ARHGEF7: variants seen among roughly 807,000 people sequenced by gnomAD.
The protein encoded by ARHGEF7 is PAK-interacting exchange factor beta.
ARHGEF7 carries 33 observed loss-of-function variants against 109.8 expected under a neutral mutation model. That is an observed-to-expected ratio of 0.30 (90% CI 0.23 to 0.40). The LOEUF is 0.40. ARHGEF7 is among the 10% of genes least tolerant of loss of function. ARHGEF7 has a pLI of 1.00. For missense variants in ARHGEF7, 938 were observed against 1,098.5 expected (o/e 0.85, Z 2.07); for synonymous variants, 458 against 424.6 (o/e 1.08, Z -0.97).
chr13:111,178,006 C>G (rs2078334721), intron 2 of ARHGEF7, among the ~76,000 whole-genome samples: 1 of 152,248 alleles, frequency 6.6e-6, no homozygotes, highest in Non-Finnish European at 1.5e-5. Context: ...TCTGTGTTCA[C>G]TCAGTGCCTG....
intron 5 of ARHGEF7, among the ~76,000 whole-genome samples, chr13:111,224,094 A>T (rs971445947): frequency 1.3e-5 from 2 of 152,228 alleles, no homozygotes; most frequent in African/African-American, 4.8e-5. Flanking sequence ...TGACCTTGTC[A>T]TCTGCCCGCC....
intron 5 of ARHGEF7, among the ~76,000 whole-genome samples, chr13:111,230,647 G>T (rs2085915591): frequency 6.6e-6 from 1 of 152,014 alleles, no homozygotes. Context: ...CCTGACAGCA[G>T]ACCCACCTTG....
intron 2 of ARHGEF7, among the ~76,000 whole-genome samples, chr13:111,189,464 C>T (rs1362440949): frequency 6.6e-6 from 1 of 152,130 alleles, no homozygotes; most frequent in East Asian, 1.9e-4. Flanking sequence ...GTTGATTCTT[C>T]CTCAGAGTAG....
chr13:111,244,206 T>G lies in ARHGEF7; in HGVS notation c.862T>G (p.Ser288Ala), dbSNP rs758005923. 5.6e-6 allele frequency: 9 copies of G among 1,599,336 alleles called. No individual in the cohort carries two copies. The highest frequency in any genetic ancestry group is 8.5e-7 in the Non-Finnish European group (1 of 1,172,162). ...TATTTTTCTTGGCTCTAGGTTAAGT[T>G]CAGCAAACATTTCATATTTAATGGG... Reference protein sequence around the residue: ...RPLQTSEKLSSANISYLMGNL... With the variant: ...RPLQTSEKLSAANISYLMGNL... The change falls in exon 8 of 22, where the codon TCA becomes GCA. Residue 288 changes from serine (S) to alanine (A), a missense_variant. Physicochemically the swap from Ser to Ala is moderately conservative, Grantham distance 99 (BLOSUM62 1). Around this residue, in one of 4 missense-constraint regions of ARHGEF7, gnomAD observed 585 missense variants for 723.6 expected, o/e 0.81. Transcript: ENST00000646102.
chr13:111,206,972 A>AAAG (rs1555365802), intron 3 of ARHGEF7, among the ~76,000 whole-genome samples: 6 of 141,988 alleles, frequency 4.2e-5, no homozygotes, highest in African/African-American at 1.5e-4. Flanking sequence ...AAAAAAAAAA[A>AAAG]AAAGAAAAAG....
chr13:111,218,145 A>G (rs1314429200), intron 5 of ARHGEF7, among the ~76,000 whole-genome samples: 1 of 151,828 alleles, frequency 6.6e-6, no homozygotes, highest in African/African-American at 2.4e-5. Flanking sequence ...TTATCATTGC[A>G]GTTTTACTGT....
chr13:111,157,189 C>T (rs1891961), intron 2 of ARHGEF7, among the ~76,000 whole-genome samples: 27,536 of 151,972 alleles, frequency 0.18, 2,650 homozygotes, highest in South Asian at 0.21. Flanking sequence ...AGCTGGAAAA[C>T]TTTGAAATTT....
At chr13:111,211,970 G>T (rs1256957796) in intron 4 of ARHGEF7, among the ~76,000 whole-genome samples, 1 of 152,182 alleles carries the variant, frequency 6.6e-6, no homozygotes, top group Admixed American at 6.5e-5. Context: ...TCCCCCAGGC[G>T]AGGATCTGTG....
chr13:111,209,762 C>T, intron 3 of ARHGEF7, 110 bp from the exon 4 acceptor site: 1 of 1,296,678 alleles, frequency 7.7e-7, no homozygotes, highest in Non-Finnish European at 1.0e-6. Flanking sequence ...TTGTTGTGGT[C>T]TTTTGGTGTG....
intron 6 of ARHGEF7, among the ~76,000 whole-genome samples, chr13:111,241,669 G>T (rs2087806200): frequency 6.6e-6 from 1 of 152,158 alleles, no homozygotes; most frequent in Admixed American, 6.5e-5. Flanking sequence ...CGGACAAAAG[G>T]TCATTGTATT....
At chr13:111,150,595 T>C (rs1000467886) in intron 1 of ARHGEF7, among the ~76,000 whole-genome samples, 21 of 152,232 alleles carry the variant, frequency 1.4e-4, no homozygotes, top group African/African-American at 5.1e-4. Flanking sequence ...CCAGCAGTTA[T>C]TGATAGTAGC....
At chr13:111,190,379 C>G (rs1280479342) in intron 2 of ARHGEF7, among the ~76,000 whole-genome samples, 2 of 152,060 alleles carry the variant, frequency 1.3e-5, no homozygotes, top group Non-Finnish European at 2.9e-5. Context: ...CTATCCCTGA[C>G]TGGTTAGTGT....
chr13:111,279,376 C>T (rs983430725), intron 13 of ARHGEF7, among the ~76,000 whole-genome samples: 12 of 152,192 alleles, frequency 7.9e-5, no homozygotes, highest in Non-Finnish European at 1.8e-4. Flanking sequence ...TCAGCAGCCT[C>T]TCTGGCCCTT....
chr13:111,190,214 A>T (rs1007199418), intron 2 of ARHGEF7, among the ~76,000 whole-genome samples: 4 of 152,210 alleles, frequency 2.6e-5, no homozygotes, highest in African/African-American at 9.6e-5. Context: ...GGTTAAAAAT[A>T]CAGGGCCCGA....
At chr13:111,187,064 T>A (rs964712329) in intron 2 of ARHGEF7, 1 of 971,248 alleles carries the variant, frequency 1.0e-6, no homozygotes, top group Non-Finnish European at 1.2e-6. Context: ...GTGAAAGCAG[T>A]TGGGCTGGAA....
chr13:111,294,318 T>TG, intron 19 of ARHGEF7: 2 of 985,502 alleles, frequency 2.0e-6, no homozygotes, highest in Non-Finnish European at 2.4e-6. Context: ...CTGGCTAAGC[T>TG]GCCTTTGCCT....
intron 1 of ARHGEF7, among the ~76,000 whole-genome samples, chr13:111,126,076 G>T (rs2067539591): frequency 6.6e-6 from 1 of 152,234 alleles, no homozygotes; most frequent in Non-Finnish European, 1.5e-5. Flanking sequence ...AGTGCCTTAA[G>T]ACCTGGGTTT....
At position 111,266,695 on chromosome 13, in the gene ARHGEF7, C is replaced by T; in HGVS notation, c.951-853C>T. 2.5e-6 allele frequency: 1 copy of T among 406,134 alleles called. No homozygotes were observed. Among genetic ancestry groups the T allele is most frequent in the South Asian group, 1.8e-5 (1 of 57,088 alleles). The allele number at this position is 406,134 out of a possible 1,614,324, so 25.2% of individuals were successfully genotyped here. ...TCCCTGGTGTTCATGTTTTTGGTCA[C>T]TTTTTCTCTGGCTCCCATTCCCTAG... On this transcript the variant is annotated intron_variant, in intron 8 of 21. Transcript: ENST00000646102. The surrounding 1 kb of genome is among the most constrained non-coding windows in gnomAD (Gnocchi z 4.8).
intron 2 of ARHGEF7, among the ~76,000 whole-genome samples, chr13:111,192,260 A>G (rs1480683599): frequency 6.6e-6 from 1 of 152,112 alleles, no homozygotes; most frequent in Non-Finnish European, 1.5e-5. Context: ...CCTTAACTGC[A>G]GTGGGGGTAG....
Sources: allele counts gnomAD v4.1 joint callset (sites outside exome capture counted in the v4.1 genomes callset), GRCh38; gene constraint gnomAD v4.1.1; regional missense constraint gnomAD v4.1.1; non-coding constraint Gnocchi (gnomAD v3.1); transcripts MANE v1.5; gene names NCBI Gene and HGNC (gene_info 2026-07-23, HGNC 2026-07-21).